The following CCBE1 variants were observed in gnomAD, a reference collection of about 807,000 sequenced individuals.
The protein encoded by CCBE1 is collagen and calcium binding EGF domains 1.
Under a neutral mutation model 50.0 loss-of-function variants are expected in CCBE1, and 37 were observed. The ratio of observed to expected loss-of-function variants is 0.74; its 90% CI spans 0.57 to 0.97. The LOEUF is 0.97. Ranked by LOEUF, CCBE1 falls within the 50% of genes least tolerant of loss-of-function variation. The pLI is 0.00. For missense variants in CCBE1, 538 were observed against 523.8 expected, an observed-to-expected ratio of 1.03 and a Z score of -0.26; for synonymous variants, 234 against 203.7, an observed-to-expected ratio of 1.15 and a Z score of -1.27.
chr18:59,541,632 G>A (rs1449198902), intron 2 of CCBE1, among the ~76,000 whole-genome samples: 1 of 152,100 alleles, frequency 6.6e-6, no homozygotes, highest in Non-Finnish European at 1.5e-5. Context: ...ATATTTAAGG[G>A]TCACTGATAG....
At chr18:59,462,765 G>T (rs7237683) in intron 5 of CCBE1, among the ~76,000 whole-genome samples, 93,595 of 151,894 alleles carry the variant, frequency 0.62, 28,919 homozygotes, top group Admixed American at 0.64. Flanking sequence ...GGTGCAGTGA[G>T]GCACACTCCT....
intron 2 of CCBE1, among the ~76,000 whole-genome samples, chr18:59,521,621 C>T (rs975990322): frequency 6.6e-6 from 1 of 152,202 alleles, no homozygotes; most frequent in Non-Finnish European, 1.5e-5. Flanking sequence ...GTGTTTACCT[C>T]GTTTGAGGCT....
chr18:59,627,295 T>C (rs190728596), intron 2 of CCBE1, among the ~76,000 whole-genome samples: 72 of 152,338 alleles, frequency 4.7e-4, no homozygotes, highest in African/African-American at 1.7e-3. Flanking sequence ...TTGTGTAATG[T>C]AGTCTAAATT....
chr18:59,446,802 G>T (rs996032129), intron 7 of CCBE1, among the ~76,000 whole-genome samples: 3 of 152,172 alleles, frequency 2.0e-5, no homozygotes, highest in African/African-American at 7.2e-5. Flanking sequence ...TACCTGGAGG[G>T]CATGTGGGTA....
At chr18:59,488,335 G>T (rs1235933108) in intron 2 of CCBE1, among the ~76,000 whole-genome samples, 4 of 152,090 alleles carry the variant, frequency 2.6e-5, no homozygotes, top group African/African-American at 9.7e-5. Context: ...TGGTTAAAAT[G>T]GTAAAATGTA....
At chr18:59,620,375 A>T (rs960728511) in intron 2 of CCBE1, among the ~76,000 whole-genome samples, 1 of 152,200 alleles carries the variant, frequency 6.6e-6, no homozygotes, top group African/African-American at 2.4e-5. Context: ...GGAAATTTGC[A>T]GGGCTAGAAT....
At chr18:59,546,017 A>G (rs979040840) in intron 2 of CCBE1, among the ~76,000 whole-genome samples, 2 of 152,238 alleles carry the variant, frequency 1.3e-5, no homozygotes, top group African/African-American at 4.8e-5. Context: ...GAATACCTGT[A>G]TATGTAGAAG....
chr18:59,629,955 ACTGCAGGGGCACACTGCAGT>A (rs1335560497), intron 2 of CCBE1, among the ~76,000 whole-genome samples: 7 of 152,180 alleles, frequency 4.6e-5, no homozygotes, highest in Non-Finnish European at 1.0e-4. Context: ...GAATGGACAT[ACTGCAGGGGCACACTGCAGT>A]CTGCAGGGAA....
At chr18:59,501,554 A>G (rs1027810083) in intron 2 of CCBE1, among the ~76,000 whole-genome samples, 7 of 152,120 alleles carry the variant, frequency 4.6e-5, no homozygotes, top group Admixed American at 4.6e-4. Flanking sequence ...AACCCCAAAC[A>G]CATCTAACCT....
At chr18:59,533,512 T>C (rs575508524) in intron 2 of CCBE1, among the ~76,000 whole-genome samples, 4 of 152,312 alleles carry the variant, frequency 2.6e-5, no homozygotes, top group East Asian at 3.9e-4. Flanking sequence ...ACTTTGACTA[T>C]GTATAACTCT....
intron 2 of CCBE1, among the ~76,000 whole-genome samples, chr18:59,628,933 C>G (rs1298625113): frequency 6.6e-6 from 1 of 152,202 alleles, no homozygotes; most frequent in African/African-American, 2.4e-5. Context: ...TTTGTCACCT[C>G]TCCTCTGCTA....
chr18:59,637,565 C>CATTA (rs1427573981), intron 2 of CCBE1, among the ~76,000 whole-genome samples: 1 of 152,072 alleles, frequency 6.6e-6, no homozygotes, highest in Non-Finnish European at 1.5e-5. Flanking sequence ...AAAAACAACT[C>CATTA]ATTAAAGTTC....
intron 6 of CCBE1, among the ~76,000 whole-genome samples, chr18:59,450,089 G>A (rs1394223546): frequency 6.6e-6 from 1 of 152,152 alleles, no homozygotes; most frequent in Non-Finnish European, 1.5e-5. Flanking sequence ...TGGGAGGAAG[G>A]TTGTAGTAAT....
chr18:59,457,877 A>G (rs1175896489), intron 5 of CCBE1, among the ~76,000 whole-genome samples: 1 of 152,250 alleles, frequency 6.6e-6, no homozygotes, highest in Admixed American at 6.5e-5. Flanking sequence ...CCAACAGACT[A>G]AGGCAGGCAA....
At chr18:59,456,863 A>C (rs1406156869) in intron 5 of CCBE1, among the ~76,000 whole-genome samples, 1 of 152,170 alleles carries the variant, frequency 6.6e-6, no homozygotes, top group Admixed American at 6.5e-5. Context: ...CAGACTGTGC[A>C]CCTTCAGCAC....
intron 2 of CCBE1, among the ~76,000 whole-genome samples, chr18:59,534,264 T>C (rs564105556): frequency 3.9e-5 from 6 of 152,248 alleles, no homozygotes; most frequent in Non-Finnish European, 8.8e-5. Flanking sequence ...TACTAAAACC[T>C]TTGCTAGAAT....
chr18:59,445,090 G>T (rs1910611831), intron 7 of CCBE1, among the ~76,000 whole-genome samples: 1 of 150,986 alleles, frequency 6.6e-6, no homozygotes, highest in African/African-American at 2.5e-5. Context: ...GCTTTTGGGG[G>T]TCATATCCAA....
chr18:59,507,810 C>A (rs1913944130), intron 2 of CCBE1, among the ~76,000 whole-genome samples: 1 of 152,124 alleles, frequency 6.6e-6, no homozygotes, highest in Non-Finnish European at 1.5e-5. Flanking sequence ...GATCATAAAC[C>A]TTTACATCTT....
intron 2 of CCBE1, chr18:59,568,458 T>A (rs1282477437): frequency 6.6e-6 from 1 of 152,206 alleles, no homozygotes; most frequent in Non-Finnish European, 1.5e-5. Flanking sequence ...CCTTTTTCTA[T>A]GTGGCCTCCA....
Sources: allele counts gnomAD v4.1 joint callset (sites outside exome capture counted in the v4.1 genomes callset), GRCh38; gene constraint gnomAD v4.1.1; transcripts MANE v1.5; gene names NCBI Gene and HGNC (gene_info 2026-07-23, HGNC 2026-07-21).